Variants in RNF19A observed in about 807,000 individuals in gnomAD.
RNF19A encodes E3 ubiquitin-protein ligase RNF19A.
Under a neutral mutation model 75.7 loss-of-function variants are expected in RNF19A, and 32 were observed. That is an observed-to-expected ratio of 0.42 (90% CI 0.32 to 0.57). The LOEUF is 0.57. Ranked by LOEUF, RNF19A falls within the 20% of genes least tolerant of loss-of-function variation. The pLI is 0.10. For missense variants in RNF19A, 782 were observed against 1,036.3 expected, an observed-to-expected ratio of 0.75 and a Z score of 3.37; for synonymous variants, 335 against 345.2, an observed-to-expected ratio of 0.97 and a Z score of 0.33.
chr8:100,268,764 A>C, intron 5 of RNF19A, 21 bp downstream of exon 5: 1 of 1,508,498 alleles, frequency 6.6e-7, no homozygotes, highest in African/African-American at 1.4e-5. Context: ...ATAATGGACT[A>C]ACAAGAAGTA....
upstream of RNF19A, among the ~76,000 whole-genome samples, chr8:100,312,646 G>A (rs1403973806): frequency 3.3e-5 from 5 of 152,104 alleles, no homozygotes; most frequent in African/African-American, 7.2e-5. Context: ...AAAGAAAACC[G>A]GGCGCAGTGG....
Position 100,317,160 on chromosome 8 carries a change from G to A in RNF19A, c.-242-3788C>T, listed in dbSNP as rs1822396587. ...CAGCCCAGCCCGGGTTCCCGCTCGC[G>A]CCTCTCCCTCCGCACCTCCCTGCAA... On this transcript the variant is annotated intron_variant, in intron 1 of 3. Transcript: ENST00000519527. This position sits in a 1 kb window ranked among gnomAD's most constrained non-coding sequence, Gnocchi z 4.3. 1.3e-5 allele frequency among the ~76,000 whole-genome samples: 1 copy of A among 79,318 alleles called. No homozygotes were observed. The highest frequency in any genetic ancestry group is 3.4e-5 in the Non-Finnish European group (1 of 29,256). 52.0% of individuals were successfully genotyped at this position (79,318 alleles called of 152,430 possible).
rs1819562622 is a variant in RNF19A at position 100,258,635 on chromosome 8, C to T, written c.2438G>A (p.Gly813Asp). The change falls in exon 10 of 10, where the codon GGC (glycine) becomes GAC (aspartate). Residue 813 changes from glycine to aspartate, a missense_variant. Coordinates refer to ENST00000341084, the MANE Select transcript of RNF19A (RefSeq NM_183419.4). The surrounding 1 kb of genome is among the most constrained non-coding windows in gnomAD (Gnocchi z 4.3). ...GTTATTTGTTTCTTTTAGTGCATCG[C>T]CAAAATATAAATCAACATTAGGTTT... is the stretch of plus-strand genomic sequence containing the variant. ...GIKPNVDLYFGDALKETNNNH... is the reference protein window; with the variant it reads ...GIKPNVDLYFDDALKETNNNH... The T allele has an allele frequency of 6.2e-7, 1 of 1,613,892 alleles. No individual in the cohort carries two copies. Among genetic ancestry groups the T allele is most frequent in the Non-Finnish European group, 8.5e-7 (1 of 1,179,978 alleles).
At chr8:100,291,069 T>C (rs1196002548) in intron 1 of RNF19A, among the ~76,000 whole-genome samples, 1 of 152,098 alleles carries the variant, frequency 6.6e-6, no homozygotes, top group Non-Finnish European at 1.5e-5. Flanking sequence ...CATCCAGTAT[T>C]GTATGTATAA....
rs541015586 is a variant in RNF19A, at chr8:100,275,968, A to T, written c.675-807T>A. Among the ~76,000 whole-genome samples, 2 of 152,186 alleles carry T rather than the reference A, an allele frequency of 1.3e-5. No homozygotes were observed. Among genetic ancestry groups the T allele is most frequent in the African/African-American group, 4.8e-5 (2 of 41,436 alleles). Reference sequence around the variant, plus strand: ...GCCAATCTCCTGCCAAAAAATAAAAAAAAACTGTTTTTTTTTCCTTCGGAT... The same window carrying T: ...GCCAATCTCCTGCCAAAAAATAAAATAAAACTGTTTTTTTTTCCTTCGGAT... On this transcript the variant is annotated intron_variant, in intron 2 of 9. Coordinates refer to ENST00000341084, the MANE Select transcript of RNF19A (RefSeq NM_183419.4). This position sits in a 1 kb window ranked among gnomAD's most constrained non-coding sequence, Gnocchi z 4.3.
intron 1 of RNF19A, among the ~76,000 whole-genome samples, chr8:100,307,711 G>A (rs531838726): frequency 4.0e-4 from 61 of 151,970 alleles, no homozygotes; most frequent in African/African-American, 1.4e-3. Context: ...TAAAATAGAG[G>A]TGACCCAAGT....
chr8:100,261,825 T>C lies in RNF19A; in HGVS notation c.1469-70A>G. On this transcript the variant is annotated intron_variant, in intron 7 of 9. Coordinates refer to ENST00000341084, the MANE Select transcript of RNF19A (RefSeq NM_183419.4). The surrounding 1 kb of genome is among the most constrained non-coding windows in gnomAD (Gnocchi z 4.4). ...ATTTTCTCCTTCTTAAATTCCTCCA[T>C]GATTTCAGAGAGGACATTATATAAG... 1 of 1,470,498 alleles carries C rather than the reference T, an allele frequency of 6.8e-7. No individual in the cohort carries two copies. Among genetic ancestry groups the C allele is most frequent in the Admixed American group, 1.7e-5 (1 of 59,596 alleles). 91.1% of individuals were successfully genotyped at this position (1,470,498 alleles called of 1,614,324 possible).
At position 100,317,503 on chromosome 8, in the gene RNF19A, C is replaced by T. The variant is rs2130328750; in HGVS notation, c.-242-4131G>A. On this transcript the variant is annotated intron_variant, in intron 1 of 3. Coordinates refer to the RNF19A transcript ENST00000519527. This position sits in a 1 kb window ranked among gnomAD's most constrained non-coding sequence, Gnocchi z 4.3. ...ATTACTTAGAATCTTCTTTATTTCC[C>T]CTCCCACCCATTCTTCTGACATATC... Among the ~76,000 whole-genome samples, 1 of 152,260 alleles carries T rather than the reference C, an allele frequency of 6.6e-6. No homozygotes were observed. Among genetic ancestry groups the T allele is most frequent in the African/African-American group, 2.4e-5 (1 of 41,548 alleles).
rs1331202450 is a variant in RNF19A at position 100,284,136 on chromosome 8, A to C, written c.674+3365T>G. Among the ~76,000 whole-genome samples the C allele has an allele frequency of 2.6e-5, 4 of 152,170 alleles. No homozygotes were observed. Among genetic ancestry groups the C allele is most frequent in the Non-Finnish European group, 5.9e-5 (4 of 68,004 alleles). ...CAGATGAAGAATAATAAGTAAGAGCAATGACAAGCTTACTGTGTGCTAGGA... is the reference window on the plus strand; with the variant it reads ...CAGATGAAGAATAATAAGTAAGAGCCATGACAAGCTTACTGTGTGCTAGGA... On this transcript the variant is annotated intron_variant, in intron 2 of 9. Coordinates refer to ENST00000341084, the MANE Select transcript of RNF19A (RefSeq NM_183419.4). This position sits in a 1 kb window ranked among gnomAD's most constrained non-coding sequence, Gnocchi z 4.3.
Position 100,263,978 on chromosome 8 carries a change from C to T in RNF19A, c.1468+56G>A, listed in dbSNP as rs115820721. 178 of 1,457,122 alleles carry T rather than the reference C, an allele frequency of 1.2e-4. No individual in the cohort carries two copies. In the African/African-American group the frequency reaches 2.2e-3, roughly 18 times the overall value. The allele number at this position is 1,457,122 out of a possible 1,614,324, so 90.3% of individuals were successfully genotyped here. A position where few individuals can be genotyped will look rare whatever the true frequency, so the allele number is the denominator to read the frequency against. ...CTGAGTTGCATGTTATCTCTGGCCTCCCCACTACTTACACTGTTAATAAGC... is the reference window on the plus strand; with the variant it reads ...CTGAGTTGCATGTTATCTCTGGCCTTCCCACTACTTACACTGTTAATAAGC... On this transcript the variant is annotated intron_variant, in intron 7 of 9. Transcript: ENST00000341084.
intron 1 of RNF19A, among the ~76,000 whole-genome samples, chr8:100,296,146 CT>C (rs1821551248): frequency 6.6e-6 from 1 of 150,544 alleles, no homozygotes; most frequent in African/African-American, 2.4e-5. Context: ...CAATCTGTTG[CT>C]AGGCTAGAGT....
At chr8:100,310,419 G>A, upstream of RNF19A, 1 of 215,090 alleles carries the variant, frequency 4.6e-6, no homozygotes, top group Non-Finnish European at 8.0e-6. Context: ...CCCAGAGAGC[G>A]TCTCCTCCAA....
At chr8:100,314,853 G>A (rs1265476040), upstream of RNF19A, among the ~76,000 whole-genome samples, 1 of 152,136 alleles carries the variant, frequency 6.6e-6, no homozygotes, top group African/African-American at 2.4e-5. This position sits in a 1 kb window ranked among gnomAD's most constrained non-coding sequence, Gnocchi z 4.1. Flanking sequence ...TTTGAAGGTA[G>A]AGAACTTAAT....
upstream of RNF19A, among the ~76,000 whole-genome samples, chr8:100,311,119 T>C (rs1417406708): frequency 6.6e-6 from 1 of 152,248 alleles, no homozygotes; most frequent in Non-Finnish European, 1.5e-5. Flanking sequence ...GTAATTTAAA[T>C]TAGAAACAAA....
Position 100,287,459 on chromosome 8 carries a change from GA to G in RNF19A, c.674+41del, listed in dbSNP as rs748977329. 2.0e-6 allele frequency: 3 copies of G among 1,531,376 alleles called. No individual in the cohort carries two copies. Among genetic ancestry groups the G allele is most frequent in the East Asian group, 4.5e-5 (2 of 44,332 alleles). 94.9% of individuals were successfully genotyped at this position (1,531,376 alleles called of 1,614,324 possible). A position where few individuals can be genotyped will look rare whatever the true frequency, so the allele number is the denominator to read the frequency against. Reference sequence around the variant, plus strand: ...AATAGCAAATTATTTTATCCACAGAGAAAAAAATTAACTCAAGAAAAATCAA... The same window carrying G: ...AATAGCAAATTATTTTATCCACAGAGAAAAAATTAACTCAAGAAAAATCAA... On this transcript the variant is annotated intron_variant, in intron 2 of 9. Coordinates refer to ENST00000341084, the MANE Select transcript of RNF19A (RefSeq NM_183419.4). The surrounding 1 kb of genome is among the most constrained non-coding windows in gnomAD (Gnocchi z 4.1).
chr8:100,280,675 C>G (rs1473963087), intron 2 of RNF19A, among the ~76,000 whole-genome samples: 1 of 152,196 alleles, frequency 6.6e-6, no homozygotes. Context: ...TTTTTTCTCA[C>G]ACTAACACTT....
chr8:100,274,849 A>G lies in RNF19A; in HGVS notation c.883+104T>C. ...CTGGGATAGAAATGCACTTAAAAACACTTTCGGCAAGTGAAAGGAAAACAG... is the reference window on the plus strand; with the variant it reads ...CTGGGATAGAAATGCACTTAAAAACGCTTTCGGCAAGTGAAAGGAAAACAG... On this transcript the variant is annotated intron_variant, in intron 3 of 9. Coordinates refer to ENST00000341084, the MANE Select transcript of RNF19A (RefSeq NM_183419.4). The G allele has an allele frequency of 3.5e-6, 3 of 860,538 alleles. No homozygotes were observed. In the South Asian group the frequency reaches 5.3e-5, roughly 15 times the overall value. 53.3% of individuals were successfully genotyped at this position (860,538 alleles called of 1,614,324 possible). A position where few individuals can be genotyped will look rare whatever the true frequency, so the allele number is the denominator to read the frequency against.
chr8:100,313,220 C>G (rs755932075), upstream of RNF19A: 14 of 563,566 alleles, frequency 2.5e-5, no homozygotes, highest in Non-Finnish European at 2.9e-5. Context: ...CCTACATATC[C>G]GTTTGCATGG....
chr8:100,283,531 C>T (rs527527999), intron 2 of RNF19A, among the ~76,000 whole-genome samples: 11 of 152,162 alleles, frequency 7.2e-5, no homozygotes, highest in Non-Finnish European at 1.5e-4. Context: ...TTAGAAATAC[C>T]GTCCTTCAAA....
Sources: allele counts gnomAD v4.1 joint callset (sites outside exome capture counted in the v4.1 genomes callset), GRCh38; gene constraint gnomAD v4.1.1; non-coding constraint Gnocchi (gnomAD v3.1); transcripts MANE v1.5; gene names NCBI Gene and HGNC (gene_info 2026-07-23, HGNC 2026-07-21).